Variants in GRM3 observed in about 807,000 individuals in gnomAD.
GRM3 encodes glutamate metabotropic receptor 3, also known as metabotropic glutamate receptor 3.
A neutral mutation model predicts 70.5 loss-of-function variants in GRM3; 26 were observed. The observed-to-expected ratio is 0.37, with a 90% CI of 0.27 to 0.51. GRM3 has a LOEUF of 0.51. GRM3 is among the 20% of genes least tolerant of loss of function. GRM3 has a pLI of 0.93. For missense variants in GRM3, 859 were observed against 1,123.8 expected (o/e 0.76, Z 3.37); for synonymous variants, 443 against 434.9 (o/e 1.02, Z -0.23).
intron 1 of GRM3, among the ~76,000 whole-genome samples, chr7:86,663,039 T>A (rs1049573455): frequency 6.6e-6 from 1 of 151,700 alleles, no homozygotes; most frequent in Non-Finnish European, 1.5e-5. Flanking sequence ...AATATGAAAC[T>A]TTTTTTGCAA....
At chr7:86,827,680 AT>A (rs1798262359) in intron 3 of GRM3, among the ~76,000 whole-genome samples, 1 of 152,068 alleles carries the variant, frequency 6.6e-6, no homozygotes, top group Non-Finnish European at 1.5e-5. Context: ...TGGCCAGCTA[AT>A]TTTAGTATTT....
At chr7:86,755,740 C>G (rs931088129) in intron 1 of GRM3, among the ~76,000 whole-genome samples, 14 of 152,048 alleles carry the variant, frequency 9.2e-5, no homozygotes, top group African/African-American at 3.1e-4. Flanking sequence ...GGGGATGGCT[C>G]TTTTAGTAGA....
In GRM3 at chr7:86,746,657, C is replaced by T. The variant is rs78229188; in HGVS notation, c.-140-18349C>T. On this transcript the variant is annotated intron_variant, in intron 1 of 5. Transcript: ENST00000361669. ...CTCACCTTTTAAAATTGCATAAATT[C>T]CTAGCCCGATGCATTGCTAATGCCA... is the stretch of plus-strand genomic sequence containing the variant. 8.8e-3 allele frequency among the ~76,000 whole-genome samples: 1,331 copies of T among 152,026 alleles called. 16 individuals carry two copies. Among genetic ancestry groups the T allele is most frequent in the African/African-American group, 0.031 (1,268 of 41,466 alleles).
chr7:86,756,007 G>A (rs552727722), intron 1 of GRM3, among the ~76,000 whole-genome samples: 3 of 152,020 alleles, frequency 2.0e-5, no homozygotes, highest in Non-Finnish European at 2.9e-5. Context: ...CCTTCTTGTA[G>A]GTTTGATTTT....
chr7:86,709,204 A>T (rs949461176), intron 1 of GRM3, among the ~76,000 whole-genome samples: 1 of 151,996 alleles, frequency 6.6e-6, no homozygotes, highest in Non-Finnish European at 1.5e-5. Flanking sequence ...TGTATTTTGC[A>T]TTCCTAAATT....
At chr7:86,734,490 A>C (rs1014909594) in intron 1 of GRM3, among the ~76,000 whole-genome samples, 2 of 152,236 alleles carry the variant, frequency 1.3e-5, no homozygotes, top group Non-Finnish European at 2.9e-5. Context: ...AATAACATAG[A>C]ATTAGTCATA....
chr7:86,707,075 T>C (rs1795077064), intron 1 of GRM3, among the ~76,000 whole-genome samples: 2 of 152,062 alleles, frequency 1.3e-5, no homozygotes, highest in Admixed American at 1.3e-4. Flanking sequence ...ACAGAAGTAA[T>C]TTCTTGATGA....
intron 1 of GRM3, among the ~76,000 whole-genome samples, chr7:86,695,834 C>A (rs1360911976): frequency 6.6e-6 from 1 of 152,020 alleles, no homozygotes; most frequent in Non-Finnish European, 1.5e-5. Context: ...GTCATTTAGA[C>A]AATGATGGTG....
intron 3 of GRM3, among the ~76,000 whole-genome samples, chr7:86,837,705 G>A (rs553075484): frequency 6.6e-6 from 1 of 152,100 alleles, no homozygotes; most frequent in Admixed American, 6.6e-5. Context: ...AGGAATCTGG[G>A]GTTTTGAATC....
chr7:86,848,672 A>C (rs893615069), intron 4 of GRM3, among the ~76,000 whole-genome samples: 6 of 152,248 alleles, frequency 3.9e-5, no homozygotes, highest in South Asian at 4.1e-4. Context: ...AAGACCATGC[A>C]TAATGGTTTT....
chr7:86,767,180 C>A (rs1461293905), intron 2 of GRM3, among the ~76,000 whole-genome samples: 1 of 151,558 alleles, frequency 6.6e-6, no homozygotes, highest in Non-Finnish European at 1.5e-5. Context: ...CCACTGCCCT[C>A]TAGCCTGGAG....
At chr7:86,804,585 A>AT (rs1797748752) in intron 3 of GRM3, among the ~76,000 whole-genome samples, 1 of 151,966 alleles carries the variant, frequency 6.6e-6, no homozygotes, top group African/African-American at 2.4e-5. Context: ...AACTTTTTGT[A>AT]TTTTTAATAG....
chr7:86,727,123 A>G (rs1333516267), intron 1 of GRM3, among the ~76,000 whole-genome samples: 3 of 152,230 alleles, frequency 2.0e-5, no homozygotes, highest in Admixed American at 6.5e-5. Context: ...CAAGATAACT[A>G]TAACACAAGA....
chr7:86,721,466 T>C lies in GRM3; in HGVS notation c.-140-43540T>C, dbSNP rs187709765. Among the ~76,000 whole-genome samples the C allele has an allele frequency of 5.5e-4, 83 of 152,192 alleles. No homozygotes were observed. The East Asian group carries it at 9.9e-3, about 18-fold the overall frequency. On this transcript the variant is annotated intron_variant, in intron 1 of 5. Coordinates refer to ENST00000361669, the MANE Select transcript of GRM3 (RefSeq NM_000840.3). ...TATTTCTATAGCATATATTCTTCCA[T>C]GGAAAGAATAACCTATTTCATAATA...
chr7:86,777,079 G>C (rs1220354353), intron 2 of GRM3, among the ~76,000 whole-genome samples: 1 of 152,148 alleles, frequency 6.6e-6, no homozygotes, highest in Non-Finnish European at 1.5e-5. Flanking sequence ...GTTAGTAAGG[G>C]AACAAGCTAG....
chr7:86,681,433 A>T (rs1794438643), intron 1 of GRM3, among the ~76,000 whole-genome samples: 3 of 152,192 alleles, frequency 2.0e-5, no homozygotes. Context: ...ATCATGTCAC[A>T]TTAATGAAAT....
At chr7:86,797,913 G>C (rs2116606736) in intron 3 of GRM3, among the ~76,000 whole-genome samples, 1 of 152,274 alleles carries the variant, frequency 6.6e-6, no homozygotes, top group African/African-American at 2.4e-5. Flanking sequence ...GGCTAAAAGG[G>C]GCCAATGTAG....
At chr7:86,767,682 G>A (rs757860179) in intron 2 of GRM3, among the ~76,000 whole-genome samples, 6 of 151,402 alleles carry the variant, frequency 4.0e-5, no homozygotes, top group Non-Finnish European at 8.8e-5. Flanking sequence ...CCACTAGTAA[G>A]GGCTTATATA....
chr7:86,856,307 A>AT lies in GRM3; in HGVS notation c.2566+5764dup, dbSNP rs202075879. On this transcript the variant is annotated intron_variant, in intron 5 of 5. Transcript: ENST00000361669. ...AAAAAAATACAAAAATTAGCCAGGC[A>AT]TGGTGGTGTGCAGCTGTAATCACAG... 4.2e-3 allele frequency among the ~76,000 whole-genome samples: 635 copies of AT among 152,084 alleles called. 6 individuals are homozygous for AT. Among genetic ancestry groups the AT allele is most frequent in the African/African-American group, 0.015 (612 of 41,500 alleles).
Sources: allele counts gnomAD v4.1 joint callset (sites outside exome capture counted in the v4.1 genomes callset), GRCh38; gene constraint gnomAD v4.1.1; transcripts MANE v1.5; gene names NCBI Gene and HGNC (gene_info 2026-07-23, HGNC 2026-07-21).